ECHS1: variants seen among roughly 807,000 people sequenced by gnomAD.
ECHS1 encodes enoyl-CoA hydratase, short chain 1.
ECHS1 carries 19 observed loss-of-function variants against 33.5 expected under a neutral mutation model. That is an observed-to-expected ratio of 0.57 (90% CI 0.40 to 0.83). The LOEUF (loss-of-function observed/expected upper bound fraction) is 0.83. Among genes scored for constraint, ECHS1 ranks in the 40% least tolerant of loss-of-function variants. The pLI is 0.00. For missense variants in ECHS1, 365 were observed against 381.3 expected, an observed-to-expected ratio of 0.96 and a Z score of 0.36; for synonymous variants, 158 against 146.6, an observed-to-expected ratio of 1.08 and a Z score of -0.56.
intron 5 of ECHS1, among the ~76,000 whole-genome samples, chr10:133,366,408 C>T (rs1849031000): frequency 6.6e-6 from 1 of 152,238 alleles, no homozygotes; most frequent in South Asian, 2.1e-4. Flanking sequence ...TGGAGATGCC[C>T]ATTGCTTACA....
intron 1 of ECHS1, among the ~76,000 whole-genome samples, chr10:133,371,022 A>G (rs572730724): frequency 6.6e-6 from 1 of 152,240 alleles, no homozygotes; most frequent in Non-Finnish European, 1.5e-5. Context: ...TCACGCCTGT[A>G]ATCCCAGCAA....
Position 133,364,710 on chromosome 10 carries a change from A to C in ECHS1, c.755T>G (p.Leu252Ter). 6.2e-7 allele frequency: 1 copy of C among 1,613,818 alleles called. No individual in the cohort carries two copies. The highest frequency in any genetic ancestry group is 8.5e-7 in the Non-Finnish European group (1 of 1,179,776). ...ESVNAAFEMT[L>*]TEGSKLEKKL... is the part of the protein sequence containing the mutation. ...CTTCTCCAACTTACTTCCTTCTGTT[A>C]ATGTCATTTCAAAAGCTGAAAAACA... Residue 252 changes from leucine (L) to a stop codon, truncating the protein, a stop_gained, in exon 7 of 8, where the codon TTA becomes TGA. Coordinates refer to ENST00000368547, the MANE Select transcript of ECHS1 (RefSeq NM_004092.4). LOFTEE classifies it high-confidence loss of function.
At chr10:133,369,813 GCCT>G in intron 3 of ECHS1, 88 bp downstream of exon 3, 1 of 1,513,314 alleles carries the variant, frequency 6.6e-7, no homozygotes, top group Non-Finnish European at 8.9e-7. Context: ...GGAACTAAAG[GCCT>G]CTTCAAAATA....
At chr10:133,364,093 T>C (rs1848999994) in intron 7 of ECHS1, among the ~76,000 whole-genome samples, 1 of 151,954 alleles carries the variant, frequency 6.6e-6, no homozygotes, top group Admixed American at 6.6e-5. Context: ...TACAGGCACC[T>C]GCCACCACGC....
At position 133,367,412 on chromosome 10, in the gene ECHS1, C is replaced by T. The variant is rs907018769; in HGVS notation, c.515-419G>A. ...ACTAATATAACCAAGAAATAACTGG[C>T]GGGTATAGGGTCAGGTGCTGAAGGC... On this transcript the variant is annotated intron_variant, in intron 4 of 7. Coordinates refer to ENST00000368547, the MANE Select transcript of ECHS1 (RefSeq NM_004092.4). Among the ~76,000 whole-genome samples, 367 of 144,808 alleles carry T rather than the reference C, an allele frequency of 2.5e-3. 20 individuals are homozygous for T. Among genetic ancestry groups the T allele is most frequent in the African/African-American group, 9.8e-3 (339 of 34,740 alleles). 95.0% of individuals were successfully genotyped at this position (144,808 alleles called of 152,430 possible).
At chr10:133,367,405 T>C (rs2133440933) in intron 4 of ECHS1, among the ~76,000 whole-genome samples, 1 of 150,456 alleles carries the variant, frequency 6.6e-6, no homozygotes, top group South Asian at 2.1e-4. Flanking sequence ...AACCAAGAAA[T>C]AACTGGCGGG....
chr10:133,371,232 A>G (rs183049946), intron 1 of ECHS1, among the ~76,000 whole-genome samples: 9 of 152,178 alleles, frequency 5.9e-5, no homozygotes, highest in Admixed American at 2.6e-4. Context: ...AGCTGAGATC[A>G]TGCCACTGCA....
Position 133,362,759 on chromosome 10 carries a change from G to A in ECHS1, c.*109C>T, listed in dbSNP as rs116786579. ...ACCACGCAGCAATTGGAGAGGAACT[G>A]CACACCACGGACACTGCTCTTGAAA... On this transcript the variant is annotated 3_prime_UTR_variant, in exon 8 of 8. Transcript: ENST00000368547. The A allele has an allele frequency of 1.2e-4, 155 of 1,278,130 alleles. No homozygotes were observed. The African/African-American group carries it at 2.1e-3, about 17-fold the overall frequency. 79.2% of individuals were successfully genotyped at this position (1,278,130 alleles called of 1,614,324 possible).
chr10:133,365,858 A>T, intron 6 of ECHS1, 118 bp downstream of exon 6: 2 of 1,277,470 alleles, frequency 1.6e-6, no homozygotes, highest in Non-Finnish European at 2.2e-6. Context: ...GACACTGAGA[A>T]GCATTTCTGC....
chr10:133,363,347 G>GCA (rs1491350105), intron 7 of ECHS1, among the ~76,000 whole-genome samples: 8 of 16,026 alleles, frequency 5.0e-4, no homozygotes, highest in South Asian at 8.1e-3. Context: ...CCCCAGGTGT[G>GCA]CGCGCGCGCA....
In ECHS1 at chr10:133,370,328, C is replaced by T. The variant is rs1849086969; in HGVS notation, c.286+232G>A. Among the ~76,000 whole-genome samples, 3 of 152,266 alleles carry T rather than the reference C, an allele frequency of 2.0e-5. No homozygotes were observed. In the South Asian group the frequency reaches 6.2e-4, roughly 31 times the overall value. On this transcript the variant is annotated intron_variant, in intron 2 of 7. Coordinates refer to ENST00000368547, the MANE Select transcript of ECHS1 (RefSeq NM_004092.4). ...CACACAAAGCCTGACTGCCAAGGAC[C>T]TAAACCCCTTTGAAGAAGCTGTTTT...
At position 133,373,279 on chromosome 10, in the gene ECHS1, C is replaced by A; in HGVS notation, c.55G>T (p.Val19Phe). The change falls in exon 1 of 8, where the codon GTT becomes TTT. Residue 19 changes from valine (V) to phenylalanine (F), a missense_variant. Coordinates refer to ENST00000368547, the MANE Select transcript of ECHS1 (RefSeq NM_004092.4). ...AAGGGACGCCAGGCGGGACAGCGAA[C>A]CGGGGGCCTCAGCGGGCCGCGGACG... Reference protein sequence around the residue: ...SCVRGPLRPPVRCPAWRPFAS... With the variant: ...SCVRGPLRPPFRCPAWRPFAS... The A allele has an allele frequency of 6.8e-7, 1 of 1,473,052 alleles. No homozygotes were observed. The highest frequency in any genetic ancestry group is 1.3e-5 in the South Asian group (1 of 75,426). The allele number at this position is 1,473,052 out of a possible 1,614,324, so 91.2% of individuals were successfully genotyped here.
In ECHS1 at chr10:133,370,694, T is replaced by C. The variant is rs1849095598; in HGVS notation, c.152A>G (p.Gln51Arg). The change falls in exon 2 of 8, where the codon CAA (glutamine) becomes CGA (arginine). Residue 51 changes from glutamine to arginine, a missense_variant. Gln to Arg is a conservative substitution (Grantham distance 43, BLOSUM62 1). Coordinates refer to ENST00000368547, the MANE Select transcript of ECHS1 (RefSeq NM_004092.4). Reference sequence around the variant, plus strand: ...ATTGAGGGCCTTGGGGCGGTTCAGTTGGATCAACCCCACGGTGTTATTCTT... The same window carrying C: ...ATTGAGGGCCTTGGGGCGGTTCAGTCGGATCAACCCCACGGTGTTATTCTT... ...RGKNNTVGLI[Q>R]LNRPKALNAL... 1.2e-6 allele frequency: 2 copies of C among 1,613,370 alleles called. No individual in the cohort carries two copies. Among genetic ancestry groups the C allele is most frequent in the African/African-American group, 2.7e-5 (2 of 74,944 alleles).
At chr10:133,365,643 G>A (rs908975681) in intron 6 of ECHS1, among the ~76,000 whole-genome samples, 5 of 152,210 alleles carry the variant, frequency 3.3e-5, no homozygotes, top group African/African-American at 1.2e-4. Flanking sequence ...GAGGTGAACC[G>A]AGCCTCCCCA....
rs1235361102 is a variant in ECHS1 at position 133,370,739 on chromosome 10, A to G, written c.107T>C (p.Ile36Thr). Residue 36 changes from isoleucine to threonine, a missense_variant, in exon 2 of 8, where the codon ATC becomes ACC. Physicochemically the swap from Ile to Thr is moderately conservative, Grantham distance 89. Transcript: ENST00000368547. ...PFASGANFEY[I>T]IAEKRGKNNT... Reference sequence around the variant, plus strand: ...ATTCTTCCCTCTTTTTTCTGCGATGATGTACTCAAAGTTAGCACCTGGAGC... The same window carrying G: ...ATTCTTCCCTCTTTTTTCTGCGATGGTGTACTCAAAGTTAGCACCTGGAGC... 2 of 1,611,832 alleles carry G rather than the reference A, an allele frequency of 1.2e-6. No homozygotes were observed. Among genetic ancestry groups the G allele is most frequent in the African/African-American group, 2.7e-5 (2 of 74,874 alleles).
chr10:133,364,471 T>C (rs1849004394), intron 7 of ECHS1, among the ~76,000 whole-genome samples, 187 bp downstream of exon 7: 1 of 152,182 alleles, frequency 6.6e-6, no homozygotes, highest in Admixed American at 6.5e-5. Flanking sequence ...CTTTTGAACT[T>C]GTACATGCTC....
intron 4 of ECHS1, among the ~76,000 whole-genome samples, chr10:133,368,516 G>T (rs533681488): frequency 3.3e-5 from 5 of 152,038 alleles, no homozygotes; most frequent in Non-Finnish European, 5.9e-5. Flanking sequence ...GGGCCTGGGT[G>T]GGGGGTCTGA....
intron 6 of ECHS1, 44 bp from the exon 7 acceptor site, chr10:133,364,769 C>T: frequency 6.6e-7 from 1 of 1,525,688 alleles, no homozygotes; most frequent in Non-Finnish European, 9.1e-7. Context: ...ATATTACATG[C>T]AGAACTTTTC....
intron 3 of ECHS1, 120 bp downstream of exon 3, chr10:133,369,783 GA>G: frequency 7.2e-7 from 1 of 1,384,918 alleles, no homozygotes; most frequent in Non-Finnish European, 9.7e-7. Flanking sequence ...CATGAGGCAG[GA>G]AAGGAGGCTG....
Sources: allele counts gnomAD v4.1 joint callset (sites outside exome capture counted in the v4.1 genomes callset), GRCh38; gene constraint gnomAD v4.1.1; transcripts MANE v1.5; gene names NCBI Gene and HGNC (gene_info 2026-07-23, HGNC 2026-07-21).